The following PCLO variants were observed in gnomAD, a reference collection of about 807,000 sequenced individuals.
PCLO encodes protein piccolo.
Under a neutral mutation model 427.5 loss-of-function variants are expected in PCLO, and 82 were observed. The observed-to-expected ratio is 0.19, with a 90% CI of 0.16 to 0.23. The LOEUF is 0.23. PCLO is among the 10% of genes least tolerant of loss of function. The pLI is 1.00. For missense variants in PCLO, 6,239 were observed against 6,115.9 expected, an observed-to-expected ratio of 1.02 and a Z score of -0.67; for synonymous variants, 2,357 against 2,155.4, an observed-to-expected ratio of 1.09 and a Z score of -2.59.
At chr7:83,050,732 A>C (rs990357503) in intron 3 of PCLO, among the ~76,000 whole-genome samples, 3 of 140,576 alleles carry the variant, frequency 2.1e-5, no homozygotes, top group African/African-American at 5.4e-5. Flanking sequence ...AAAAAACCCT[A>C]TCTCTACTAA....
intron 13 of PCLO, among the ~76,000 whole-genome samples, chr7:82,842,932 GA>G (rs1368679783): frequency 6.6e-6 from 1 of 152,090 alleles, no homozygotes; most frequent in African/African-American, 2.4e-5. Flanking sequence ...TGGAGAAAGG[GA>G]ACCCTTGTAC....
rs1393233057 is a variant in PCLO at position 82,952,771 on chromosome 7, T to C, written c.8182A>G (p.Ile2728Val). 1 of 1,613,478 alleles carries C rather than the reference T, an allele frequency of 6.2e-7. No homozygotes were observed. Among genetic ancestry groups the C allele is most frequent in the Admixed American group, 1.7e-5 (1 of 59,960 alleles). ...DGKLQLVGDV[I>V]DLRTVPKVEV... Reference sequence around the variant, plus strand: ...ACCTTTGGTACTGTACGCAAATCAATTACATCACCAACAAGTTGCAATTTT... The same window carrying C: ...ACCTTTGGTACTGTACGCAAATCAACTACATCACCAACAAGTTGCAATTTT... The change falls in exon 5 of 25, where the codon ATT becomes GTT. Residue 2728 changes from isoleucine to valine, a missense_variant. By Grantham distance (29) the Ile-to-Val change is conservative. Transcript: ENST00000333891.
intron 2 of PCLO, among the ~76,000 whole-genome samples, chr7:83,146,545 A>G (rs1791998033): frequency 1.3e-5 from 2 of 152,282 alleles, no homozygotes; most frequent in South Asian, 4.1e-4. Context: ...AGGAATATAA[A>G]CAATGAGCAA....
intron 8 of PCLO, among the ~76,000 whole-genome samples, chr7:82,907,027 C>T (rs1468535284): frequency 1.3e-5 from 2 of 151,606 alleles, no homozygotes; most frequent in Non-Finnish European, 2.9e-5. Context: ...ACCCAGTAGA[C>T]CAAAACCATA....
At chr7:82,884,781 G>A (rs957982510) in intron 9 of PCLO, among the ~76,000 whole-genome samples, 2 of 152,002 alleles carry the variant, frequency 1.3e-5, no homozygotes, top group African/African-American at 4.8e-5. Flanking sequence ...GACGTGGGGT[G>A]AGGTCATTCA....
Position 82,940,755 on chromosome 7 carries a change from CTTTT to C in PCLO, c.11112+8717_11112+8720del, listed in dbSNP as rs71531190. ...ATCTGCATTAATTATTTTTTTCTTTCTTTTTTTTTTTTTTTTTTTTTTTCTGAGA... is the reference window on the plus strand; with the variant it reads ...ATCTGCATTAATTATTTTTTTCTTTCTTTTTTTTTTTTTTTTTTTCTGAGA... On this transcript the variant is annotated intron_variant, in intron 6 of 24. Coordinates refer to ENST00000333891, the MANE Select transcript of PCLO (RefSeq NM_033026.6). 3.1e-3 allele frequency among the ~76,000 whole-genome samples: 340 copies of C among 109,116 alleles called. 5 individuals are homozygous for C. Among genetic ancestry groups the C allele is most frequent in the Non-Finnish European group, 4.8e-3 (269 of 55,660 alleles). 71.6% of individuals were successfully genotyped at this position (109,116 alleles called of 152,430 possible).
chr7:83,078,519 C>CATTATTATTATTATTAT (rs143405758), intron 3 of PCLO, among the ~76,000 whole-genome samples: 7 of 150,284 alleles, frequency 4.7e-5, no homozygotes, highest in Non-Finnish European at 7.4e-5. Flanking sequence ...ATGTTGCTAG[C>CATTATTATTATTATTAT]ATTATTATTA....
chr7:83,069,134 T>C (rs932965105), intron 3 of PCLO, among the ~76,000 whole-genome samples: 1 of 152,170 alleles, frequency 6.6e-6, no homozygotes, highest in East Asian at 1.9e-4. Context: ...GGAGAACTAA[T>C]GCATATTATG....
At chr7:83,072,515 T>C (rs1789844555) in intron 3 of PCLO, among the ~76,000 whole-genome samples, 1 of 152,050 alleles carries the variant, frequency 6.6e-6, no homozygotes, top group Non-Finnish European at 1.5e-5. Context: ...TCTTCAATTG[T>C]ATGTAAGAAA....
At chr7:83,067,395 T>A (rs190299630) in intron 3 of PCLO, among the ~76,000 whole-genome samples, 1 of 152,360 alleles carries the variant, frequency 6.6e-6, no homozygotes, top group East Asian at 1.9e-4. Context: ...TTCATCCATA[T>A]TAATTCAGTT....
intron 9 of PCLO, among the ~76,000 whole-genome samples, chr7:82,897,050 T>C (rs1216573410): frequency 6.6e-6 from 1 of 151,682 alleles, no homozygotes; most frequent in East Asian, 1.9e-4. Flanking sequence ...TTTTTGAGCA[T>C]CACATTTTGT....
At chr7:83,009,953 G>A (rs1788038340) in intron 3 of PCLO, among the ~76,000 whole-genome samples, 1 of 151,810 alleles carries the variant, frequency 6.6e-6, no homozygotes, top group Non-Finnish European at 1.5e-5. Flanking sequence ...ATGACAAGTG[G>A]TGAGCACCAC....
intron 3 of PCLO, among the ~76,000 whole-genome samples, chr7:83,102,872 G>T (rs1011143378): frequency 6.6e-6 from 1 of 151,774 alleles, no homozygotes; most frequent in African/African-American, 2.4e-5. Flanking sequence ...ATTGCACATT[G>T]TATAGCTGTT....
intron 3 of PCLO, among the ~76,000 whole-genome samples, chr7:82,978,861 C>A (rs886473859): frequency 0.018 from 723 of 39,696 alleles, 2 homozygotes; most frequent in East Asian, 0.084. Context: ...CACACAAACA[C>A]ACACACACAC....
intron 1 of PCLO, among the ~76,000 whole-genome samples, chr7:83,160,554 A>T (rs74415795): frequency 1.1e-5 from 1 of 92,840 alleles, no homozygotes; most frequent in Non-Finnish European, 2.9e-5. Flanking sequence ...ATTATTATTT[A>T]TTTTTTAGTA....
intron 3 of PCLO, among the ~76,000 whole-genome samples, chr7:82,986,452 G>C (rs985616700): frequency 6.6e-6 from 1 of 151,880 alleles, no homozygotes; most frequent in African/African-American, 2.4e-5. Context: ...AACTATATTT[G>C]AGAATTAAGG....
rs769250529 is a variant in PCLO at position 83,162,524 on chromosome 7, T to G, written c.69A>C (p.Gly23=). 1 of 1,556,650 alleles carries G rather than the reference T, an allele frequency of 6.4e-7. No individual in the cohort carries two copies. The highest frequency in any genetic ancestry group is 8.7e-7 in the Non-Finnish European group (1 of 1,151,562). The stretch of plus-strand genomic sequence containing the variant: ...GGCTCCCCGCCCCGCTAGCTCCTCC[T>G]CCAGCCGCTGCGGCCGCCGCCAGCC... ...PEGLAAAAAA[G]GGASGAGSPS... The change falls in exon 1 of 25, where the codon GGA becomes GGC. Residue 23 remains glycine, a synonymous_variant. Transcript: ENST00000333891.
rs947826887 is a variant in PCLO at position 82,876,508 on chromosome 7, A to T, written c.13654+2829T>A. Among the ~76,000 whole-genome samples, 11 of 149,202 alleles carry T rather than the reference A, an allele frequency of 7.4e-5. No individual in the cohort carries two copies. The East Asian group carries it at 1.2e-3, about 16-fold the overall frequency. ...CACACATACACCACACACACGTACC[A>T]GTAAATGTACTGGTCTAAACCAGGT... is the stretch of plus-strand genomic sequence containing the variant. On this transcript the variant is annotated intron_variant, in intron 10 of 24. Coordinates refer to ENST00000333891, the MANE Select transcript of PCLO (RefSeq NM_033026.6).
At chr7:82,825,934 C>CAT (rs1387399649) in intron 18 of PCLO, among the ~76,000 whole-genome samples, 1 of 148,374 alleles carries the variant, frequency 6.7e-6, no homozygotes. Context: ...ATATTATGTT[C>CAT]ATATATATAA....
Sources: allele counts gnomAD v4.1 joint callset (sites outside exome capture counted in the v4.1 genomes callset), GRCh38; gene constraint gnomAD v4.1.1; transcripts MANE v1.5; gene names NCBI Gene and HGNC (gene_info 2026-07-23, HGNC 2026-07-21).